HLA-DQB1: variants seen among roughly 807,000 people sequenced by gnomAD.
HLA-DQB1 encodes major histocompatibility complex, class II, DQ beta 1.
Under a neutral mutation model 26.4 loss-of-function variants are expected in HLA-DQB1, and 13 were observed. The observed-to-expected ratio is 0.49, with a 90% CI of 0.32 to 0.78. HLA-DQB1 has a LOEUF of 0.78. HLA-DQB1 is among the 30% of genes least tolerant of loss of function. The pLI, the probability that HLA-DQB1 is intolerant of heterozygous loss-of-function variation, is 0.03. For missense variants in HLA-DQB1, 158 were observed against 326.2 expected (o/e 0.48, Z 3.97); for synonymous variants, 60 against 129.1 (o/e 0.46, Z 3.63).
chr6:32,661,352 T>C (rs1130432), exon 4 of HLA-DQB1: 265,168 of 1,358,646 alleles, frequency 0.2, 34,978 homozygotes, highest in South Asian at 0.23. Flanking sequence ...CTCACCTTTC[T>C]GACTCCTTTG....
intron 4 of HLA-DQB1, chr6:32,660,965 T>A (rs1225829493): frequency 5.8e-6 from 4 of 687,202 alleles, no homozygotes; most frequent in African/African-American, 3.5e-5. Flanking sequence ...CACACATGAC[T>A]TAGAGTTACA....
intron 2 of HLA-DQB1, chr6:32,663,299 T>C (rs281863400): frequency 1.3e-5 from 2 of 151,450 alleles, no homozygotes; most frequent in African/African-American, 4.8e-5. Flanking sequence ...TTGCTGGCAT[T>C]AGGATGTGAG....
rs41263812 is a variant in HLA-DQB1 at position 32,664,474 on chromosome 6, A to G, written c.379+324T>C. 776 of 146,498 alleles carry G rather than the reference A, an allele frequency of 5.3e-3. 10 individuals are homozygous for G. The highest frequency in any genetic ancestry group is 0.026 in the Middle Eastern group (8 of 312). The allele number at this position is 146,498 out of a possible 1,614,324, so 9.1% of individuals were successfully genotyped here. ...GAGGGTGGGCACTGGGGGCAGAGAG[A>G]ACTGCTTAGCGAAGGTAAGGTACGA... is the stretch of plus-strand genomic sequence containing the variant. On this transcript the variant is annotated intron_variant, in intron 2 of 4. Coordinates refer to ENST00000434651, the Ensembl canonical transcript of HLA-DQB1.
At chr6:32,659,764 AGT>A (rs1782808622) in exon 5 of HLA-DQB1, 1 of 149,616 alleles carries the variant, frequency 6.7e-6, no homozygotes, top group African/African-American at 2.5e-5. Context: ...AAATGCTTTC[AGT>A]GTCTTTTCAA....
exon 1 of HLA-DQB1, chr6:32,666,542 C>T (rs1468568523): frequency 1.7e-6 from 2 of 1,194,816 alleles, no homozygotes; most frequent in South Asian, 1.3e-5. Flanking sequence ...TCAGCATCGC[C>T]AGCATCAAGG....
chr6:32,662,884 T>C (rs9274191), intron 2 of HLA-DQB1: 70,445 of 133,788 alleles, frequency 0.53, 20,959 homozygotes, highest in Middle Eastern at 0.69. Flanking sequence ...CTACTCCATT[T>C]CCTTGCTATT....
chr6:32,662,000 G>A, exon 3 of HLA-DQB1: 1 of 1,552,140 alleles, frequency 6.4e-7, no homozygotes, highest in Non-Finnish European at 8.8e-7. Flanking sequence ...TGGAGGCTGG[G>A]GTGCTCCACG....
At chr6:32,661,537 G>A (rs9273710) in intron 3 of HLA-DQB1, 80 bp from the exon 4 acceptor site, 272,451 of 786,696 alleles carry the variant, frequency 0.35, 70,393 homozygotes, top group Admixed American at 0.43. Flanking sequence ...CCAGTCTGAG[G>A]TGCAGAAGGT....
chr6:32,661,960 C>T lies in HLA-DQB1; in HGVS notation c.661+7G>A, dbSNP rs9273912. ...CCCATAGTAACAGAAACTCAATATCCCCTTACGCCACTCCACGGTGATGGG... is the reference window on the plus strand; with the variant it reads ...CCCATAGTAACAGAAACTCAATATCTCCTTACGCCACTCCACGGTGATGGG... On this transcript the variant is annotated splice_region_variant and intron_variant, in intron 3 of 4. Coordinates refer to ENST00000434651, the Ensembl canonical transcript of HLA-DQB1. 257,098 of 1,512,598 alleles carry T rather than the reference C, an allele frequency of 0.17. 26,122 individuals are homozygous for T. The highest frequency in any genetic ancestry group is 0.22 in the South Asian group (17,682 of 80,904). 93.7% of individuals were successfully genotyped at this position (1,512,598 alleles called of 1,614,324 possible). A position where few individuals can be genotyped will look rare whatever the true frequency, so the allele number is the denominator to read the frequency against.
At chr6:32,661,568 G>T in intron 3 of HLA-DQB1, 111 bp from the exon 4 acceptor site, 1 of 706,960 alleles carries the variant, frequency 1.4e-6, no homozygotes. Context: ...AAGGAACCTA[G>T]TTCTCCATTC....
intron 3 of HLA-DQB1, 21 bp downstream of exon 3, chr6:32,661,946 A>G (rs281864144): frequency 6.7e-7 from 1 of 1,481,890 alleles, no homozygotes; most frequent in Non-Finnish European, 9.2e-7. Flanking sequence ...CCATAGTAAC[A>G]GAAACTCAAT....
intron 4 of HLA-DQB1, chr6:32,660,832 C>G: frequency 7.4e-7 from 1 of 1,344,796 alleles, no homozygotes; most frequent in Non-Finnish European, 1.0e-6. Context: ...TGTGCCTCCC[C>G]ACACTGGATC....
chr6:32,663,512 T>TAC (rs202242734), intron 2 of HLA-DQB1: 27,452 of 117,006 alleles, frequency 0.23, 3,475 homozygotes, highest in South Asian at 0.28. Flanking sequence ...TACATATGTG[T>TAC]AGTGAGGAAC....
In HLA-DQB1 at chr6:32,666,489, C is replaced by A. The variant is rs1188956004; in HGVS notation, c.109+10G>T. 1.0e-6 allele frequency: 1 copy of A among 986,746 alleles called. No individual in the cohort carries two copies. Among genetic ancestry groups the A allele is most frequent in the Non-Finnish European group, 1.5e-6 (1 of 655,370 alleles). The allele number at this position is 986,746 out of a possible 1,614,324, so 61.1% of individuals were successfully genotyped here. ...GTGGCGGCTCTGGAGAGCAGCTGCC[C>A]TGCACTTACCGGGAGAGTCTCTGCC... On this transcript the variant is annotated intron_variant, in intron 1 of 4. Transcript: ENST00000434651.
chr6:32,665,717 G>C (rs77020460), intron 1 of HLA-DQB1, among the ~76,000 whole-genome samples: 25,440 of 125,906 alleles, frequency 0.2, 3,529 homozygotes, highest in Middle Eastern at 0.22. Context: ...ACCAGTTTGG[G>C]CAGGTTATGT....
chr6:32,665,453 A>T (rs28746813), intron 1 of HLA-DQB1, among the ~76,000 whole-genome samples: 30,411 of 117,918 alleles, frequency 0.26, 6,378 homozygotes, highest in East Asian at 0.35. Context: ...CATAAATCTG[A>T]GAGTTCAACG....
intron 2 of HLA-DQB1, chr6:32,663,296 C>T (rs281863403): frequency 1.1e-4 from 17 of 151,144 alleles, no homozygotes. Context: ...TACTTGCTGG[C>T]ATTAGGATGT....
At chr6:32,660,380 C>T (rs1782869929) in intron 4 of HLA-DQB1, 131 bp from the exon 5 acceptor site, 2 of 465,222 alleles carry the variant, frequency 4.3e-6, no homozygotes, top group African/African-American at 4.0e-5. Context: ...TCATCACCTC[C>T]CCCAAGATCT....
intron 1 of HLA-DQB1, among the ~76,000 whole-genome samples, chr6:32,665,743 T>C (rs281861453): frequency 8.7e-6 from 1 of 114,494 alleles, no homozygotes; most frequent in African/African-American, 3.3e-5. Flanking sequence ...AATATCCATA[T>C]CACAAGTATA....
Sources: allele counts gnomAD v4.1 joint callset (sites outside exome capture counted in the v4.1 genomes callset), GRCh38; gene constraint gnomAD v4.1.1; transcripts MANE v1.5; gene names NCBI Gene and HGNC (gene_info 2026-07-23, HGNC 2026-07-21).